The following ADAMTS2 variants were observed in gnomAD, a reference collection of about 807,000 sequenced individuals.
ADAMTS2 encodes A disintegrin and metalloproteinase with thrombospondin motifs 2.
In ADAMTS2, 50 loss-of-function variants were observed where a neutral mutation model predicts 123.0. The observed-to-expected ratio is 0.41, with a 90% CI of 0.32 to 0.51. The LOEUF is 0.51. Ranked by LOEUF, ADAMTS2 falls within the 20% of genes least tolerant of loss-of-function variation. ADAMTS2 has a pLI of 0.35. For synonymous variants in ADAMTS2, 678 were observed against 695.4 expected, an observed-to-expected ratio of 0.98 and a Z score of 0.39; for missense variants, 1,494 against 1,705.2, an observed-to-expected ratio of 0.88 and a Z score of 2.18.
intron 2 of ADAMTS2, among the ~76,000 whole-genome samples, chr5:179,311,964 A>G (rs964382300): frequency 1.3e-5 from 2 of 152,234 alleles, no homozygotes; most frequent in African/African-American, 2.4e-5. Flanking sequence ...AAGGGAAGGT[A>G]GAAATGACAG....
At chr5:179,309,735 C>T (rs1023154498) in intron 2 of ADAMTS2, among the ~76,000 whole-genome samples, 2 of 113,030 alleles carry the variant, frequency 1.8e-5, no homozygotes, top group African/African-American at 7.0e-5. Context: ...CCAGCCTGGG[C>T]AACACAGCAA....
At chr5:179,340,786 G>A (rs538599941) in intron 2 of ADAMTS2, among the ~76,000 whole-genome samples, 25 of 152,296 alleles carry the variant, frequency 1.6e-4, no homozygotes, top group African/African-American at 6.0e-4. Context: ...ACAGTCAACT[G>A]TCACTTACCA....
intron 2 of ADAMTS2, among the ~76,000 whole-genome samples, chr5:179,340,448 G>A (rs1757740130): frequency 6.6e-6 from 1 of 152,222 alleles, no homozygotes. Context: ...TCACACTGAC[G>A]ATGGTCAAAC....
intron 11 of ADAMTS2, among the ~76,000 whole-genome samples, chr5:179,139,282 C>T (rs1763119770): frequency 6.6e-6 from 1 of 151,738 alleles, no homozygotes; most frequent in African/African-American, 2.4e-5. Flanking sequence ...GAGAAAGTGG[C>T]TGCGGGCTGA....
intron 3 of ADAMTS2, among the ~76,000 whole-genome samples, chr5:179,218,551 T>C (rs1765054116): frequency 6.6e-6 from 1 of 152,232 alleles, no homozygotes; most frequent in South Asian, 2.1e-4. Flanking sequence ...CAGCCCTTTA[T>C]AACTTTATTA....
At chr5:179,279,319 A>G (rs1766828091) in intron 2 of ADAMTS2, among the ~76,000 whole-genome samples, 1 of 149,782 alleles carries the variant, frequency 6.7e-6, no homozygotes, top group Non-Finnish European at 1.5e-5. Context: ...TTGCCCTCAA[A>G]CTCACCTCCC....
intron 4 of ADAMTS2, among the ~76,000 whole-genome samples, chr5:179,204,681 A>G (rs1366730243): frequency 6.6e-6 from 1 of 152,220 alleles, no homozygotes; most frequent in Non-Finnish European, 1.5e-5. Context: ...GACGCAGGGC[A>G]TTCATCGTCA....
chr5:179,180,925 T>C lies in ADAMTS2; in HGVS notation c.975+147A>G. 7.5e-6 allele frequency: 5 copies of C among 666,854 alleles called. No individual in the cohort carries two copies. In the South Asian group the frequency reaches 8.1e-5, roughly 11 times the overall value. 41.3% of individuals were successfully genotyped at this position (666,854 alleles called of 1,614,324 possible). On this transcript the variant is annotated intron_variant, in intron 5 of 21. Transcript: ENST00000251582. The surrounding 1 kb of genome is among the most constrained non-coding windows in gnomAD (Gnocchi z 4.6). The stretch of plus-strand genomic sequence containing the variant: ...AAGGGGTGAAAGGGAGCAGGGATCT[T>C]GTTTCTTATAGGAACCTCAGGGGAG...
chr5:179,169,778 G>A (rs929737540), intron 5 of ADAMTS2, among the ~76,000 whole-genome samples: 9 of 152,262 alleles, frequency 5.9e-5, no homozygotes, highest in South Asian at 2.1e-4. Flanking sequence ...CTCTCTTCTC[G>A]TGCTTTCCAC....
chr5:179,161,965 G>C (rs577696109), intron 5 of ADAMTS2, among the ~76,000 whole-genome samples: 2 of 152,296 alleles, frequency 1.3e-5, no homozygotes, highest in African/African-American at 4.8e-5. Flanking sequence ...TAGGGTGGTG[G>C]CAGGGCCCCT....
chr5:179,172,918 T>C (rs148017407), intron 5 of ADAMTS2, among the ~76,000 whole-genome samples: 25 of 152,084 alleles, frequency 1.6e-4, no homozygotes, highest in African/African-American at 6.0e-4. Context: ...AAAAGAAACA[T>C]GCTGGTCCAG....
intron 2 of ADAMTS2, among the ~76,000 whole-genome samples, chr5:179,281,437 A>C (rs774509595): frequency 5.9e-5 from 9 of 152,240 alleles, no homozygotes; most frequent in Non-Finnish European, 1.0e-4. Flanking sequence ...ACGTGGAATC[A>C]CATGCTATGT....
rs183361089 is a variant in ADAMTS2, at chr5:179,230,746, C to T, written c.689-23031G>A. ...GGTTATCAAGGCCTGCGCAGTGGCT[C>T]ATGCTTCTAATCCCAGCACTTTGGG... On this transcript the variant is annotated intron_variant, in intron 3 of 21. Coordinates refer to ENST00000251582, the MANE Select transcript of ADAMTS2 (RefSeq NM_014244.5). 1.3e-4 allele frequency among the ~76,000 whole-genome samples: 20 copies of T among 152,354 alleles called. No individual in the cohort carries two copies. The East Asian group carries it at 3.9e-3, about 29-fold the overall frequency.
chr5:179,291,528 A>C (rs1284440581), intron 2 of ADAMTS2, among the ~76,000 whole-genome samples: 2 of 152,140 alleles, frequency 1.3e-5, no homozygotes, highest in African/African-American at 4.8e-5. Flanking sequence ...GCTGGTCTGC[A>C]GAGGGATGGA....
chr5:179,297,657 C>T (rs1756379835), intron 2 of ADAMTS2, among the ~76,000 whole-genome samples: 2 of 152,162 alleles, frequency 1.3e-5, no homozygotes, highest in Non-Finnish European at 2.9e-5. Flanking sequence ...ACTCCCCACC[C>T]CTACTGATGA....
intron 10 of ADAMTS2, among the ~76,000 whole-genome samples, chr5:179,140,799 C>CTTTTTTTTATTTTT (rs1763150298): frequency 1.1e-5 from 1 of 90,464 alleles, no homozygotes; most frequent in Non-Finnish European, 2.1e-5. Flanking sequence ...ACTGCATGCT[C>CTTTTTTTTATTTTT]TTTTTTTTTT....
chr5:179,221,858 T>C (rs540797522), intron 3 of ADAMTS2, among the ~76,000 whole-genome samples: 1 of 152,134 alleles, frequency 6.6e-6, no homozygotes, highest in East Asian at 1.9e-4. Flanking sequence ...CCAAACCACA[T>C]GTCCTCCTTC....
chr5:179,238,900 G>A (rs1043875467), intron 3 of ADAMTS2, among the ~76,000 whole-genome samples: 14 of 152,208 alleles, frequency 9.2e-5, no homozygotes, highest in South Asian at 2.1e-4. Context: ...CCATAGTGCA[G>A]GATTCCTCTT....
At chr5:179,274,034 T>C (rs1295041166) in intron 2 of ADAMTS2, among the ~76,000 whole-genome samples, 5 of 139,590 alleles carry the variant, frequency 3.6e-5, no homozygotes, top group African/African-American at 1.1e-4. Context: ...GGCCATCTGG[T>C]AAACCTGTGT....
Sources: gnomAD v4.1 joint callset for allele counts (sites outside exome capture counted in the v4.1 genomes callset) on GRCh38, gnomAD v4.1.1 for gene constraint, Gnocchi (gnomAD v3.1) non-coding constraint, MANE v1.5 for transcripts, NCBI Gene and HGNC (gene_info 2026-07-23, HGNC 2026-07-21) for gene names.